The following F10 variants were observed in gnomAD, a reference collection of about 807,000 sequenced individuals.
The protein encoded by F10 is Stuart-Prower factor.
In F10, 29 loss-of-function variants were observed where a neutral mutation model predicts 37.1. The ratio of observed to expected loss-of-function variants is 0.78; its 90% CI spans 0.58 to 1.07. The LOEUF is 1.07. Ranked by LOEUF, F10 falls within the 50% of genes least tolerant of loss-of-function variation. The pLI is 0.00. For synonymous variants in F10, 262 were observed against 268.6 expected, an observed-to-expected ratio of 0.98 and a Z score of 0.24; for missense variants, 539 against 667.9, an observed-to-expected ratio of 0.81 and a Z score of 2.13.
intron 2 of F10, among the ~76,000 whole-genome samples, chr13:113,136,633 CTTTTTTTTTTTTTTTTTT>C (rs1170291536): frequency 1.7e-4 from 1 of 6,020 alleles, no homozygotes; most frequent in South Asian, 0.014. Context: ...AATTCTTGTA[CTTTTTTTTTTTTTTTTTT>C]TTTTTTTTTT....
intron 2 of F10, among the ~76,000 whole-genome samples, chr13:113,137,829 G>C (rs2036493220): frequency 6.6e-6 from 1 of 152,102 alleles, no homozygotes; most frequent in Non-Finnish European, 1.5e-5. Context: ...CCTTTATTTA[G>C]GGCCCACACT....
At chr13:113,147,872 T>C (rs1243732095) in intron 7 of F10, among the ~76,000 whole-genome samples, 1 of 152,172 alleles carries the variant, frequency 6.6e-6, no homozygotes, top group East Asian at 1.9e-4. Context: ...ACCAAGCACC[T>C]CTGTCTCTTC....
chr13:113,143,700 C>CCAGGATG lies in F10; in HGVS notation c.503-151_503-150insCAGGATG. The CCAGGATG allele has an allele frequency of 1.7e-6, 2 of 1,143,904 alleles. No individual in the cohort carries two copies. Among genetic ancestry groups the CCAGGATG allele is most frequent in the Non-Finnish European group, 2.4e-6 (2 of 828,664 alleles). 70.9% of individuals were successfully genotyped at this position (1,143,904 alleles called of 1,614,324 possible). On this transcript the variant is annotated intron_variant, in intron 5 of 7. Coordinates refer to ENST00000375559, the MANE Select transcript of F10 (RefSeq NM_000504.4). The surrounding 1 kb of genome is among the most constrained non-coding windows in gnomAD (Gnocchi z 6.8). ...CTGCAGATCCGACCCCTGCCGACGA[C>CCAGGATG]GTGGGGCCTCGCCCTGCAAGCCCGC...
Position 113,144,155 on chromosome 13 carries a change from C to T in F10, c.747+60C>T. On this transcript the variant is annotated intron_variant, in intron 6 of 7. Transcript: ENST00000375559. This position sits in a 1 kb window ranked among gnomAD's most constrained non-coding sequence, Gnocchi z 6.4. Reference sequence around the variant, plus strand: ...AGACCACCTGTCCCGCTGTGCACCTCGGGGAGGCCAGCCTGACACTTGGAA... The same window carrying T: ...AGACCACCTGTCCCGCTGTGCACCTTGGGGAGGCCAGCCTGACACTTGGAA... 18 of 1,608,894 alleles carry T rather than the reference C, an allele frequency of 1.1e-5. No individual in the cohort carries two copies. The highest frequency in any genetic ancestry group is 3.3e-5 in the South Asian group (3 of 91,008).
chr13:113,129,641 G>T lies in F10; in HGVS notation c.231+29G>T, dbSNP rs747696434. 3 of 1,613,472 alleles carry T rather than the reference G, an allele frequency of 1.9e-6. No individual in the cohort carries two copies. In the East Asian group the frequency reaches 6.7e-5, roughly 36 times the overall value. ...AGGGCTGGGGATAGCCTGGCTGTTG[G>T]TAAGGAGCTCAGGCCACAGCGCCCT... On this transcript the variant is annotated intron_variant, in intron 2 of 7. Transcript: ENST00000375559.
At chr13:113,145,998 A>G (rs575072069) in intron 6 of F10, among the ~76,000 whole-genome samples, 1 of 152,232 alleles carries the variant, frequency 6.6e-6, no homozygotes, top group African/African-American at 2.4e-5. Context: ...CCAAAACCAG[A>G]ATGTCCTCTC....
chr13:113,134,768 T>G (rs1270114812), intron 2 of F10, among the ~76,000 whole-genome samples: 3 of 152,220 alleles, frequency 2.0e-5, no homozygotes, highest in Non-Finnish European at 4.4e-5. Flanking sequence ...AAGCCAAAAA[T>G]TTTTAAATGC....
rs1369171198 is a variant in F10 at position 113,143,864 on chromosome 13, T to G, written c.516T>G (p.Cys172Trp). 1 of 1,612,700 alleles carries G rather than the reference T, an allele frequency of 6.2e-7. No individual in the cohort carries two copies. Among genetic ancestry groups the G allele is most frequent in the South Asian group, 1.1e-5 (1 of 91,070 alleles). Residue 172 changes from cysteine to tryptophan, a missense_variant, in exon 6 of 8, where the codon TGT (cysteine) becomes TGG (tryptophan). Transcript: ENST00000375559. The surrounding 1 kb of genome is among the most constrained non-coding windows in gnomAD (Gnocchi z 6.8). Reference protein sequence around the residue: ...KACIPTGPYPCGKQTLERRKR... With the variant: ...KACIPTGPYPWGKQTLERRKR... ...TCTTTCTTTCAGGGCCCTACCCCTG[T>G]GGGAAACAGACCCTGGAACGCAGGA...
chr13:113,140,986 T>C lies in F10; in HGVS notation c.438T>C (p.Ser146=). 4.3e-6 allele frequency: 7 copies of C among 1,614,114 alleles called. No individual in the cohort carries two copies. The highest frequency in any genetic ancestry group is 2.2e-5 in the East Asian group (1 of 44,876). The change falls in exon 5 of 8, where the codon TCT becomes TCC. Residue 146 remains serine, a synonymous_variant. Transcript: ENST00000375559. Reference sequence around the variant, plus strand: ...AGTTCTGCCACGAGGAACAGAACTCTGTGGTGTGCTCCTGCGCCCGCGGGT... The same window carrying C: ...AGTTCTGCCACGAGGAACAGAACTCCGTGGTGTGCTCCTGCGCCCGCGGGT... ...CDQFCHEEQN[S]VVCSCARGYT...
chr13:113,149,521 C>T lies in F10; in HGVS notation c.*4C>T, dbSNP rs1291967764. On this transcript the variant is annotated 3_prime_UTR_variant, in exon 8 of 8. Coordinates refer to ENST00000375559, the MANE Select transcript of F10 (RefSeq NM_000504.4). This position sits in a 1 kb window ranked among gnomAD's most constrained non-coding sequence, Gnocchi z 7.5. ...AACGTCCTCTCCATTAAAGTGAGAT[C>T]CCACTCAAGGCCTGGTTTGTCTCTC... 6.2e-7 allele frequency: 1 copy of T among 1,613,006 alleles called. No individual in the cohort carries two copies. The highest frequency in any genetic ancestry group is 1.7e-5 in the Admixed American group (1 of 60,036).
chr13:113,147,289 C>T (rs2036590857), intron 6 of F10, 90 bp from the exon 7 acceptor site: 1 of 851,692 alleles, frequency 1.2e-6, no homozygotes. Flanking sequence ...ATGGGGAGGG[C>T]CGGGCAGTGC....
At chr13:113,134,043 C>T (rs2138534145) in intron 2 of F10, among the ~76,000 whole-genome samples, 1 of 152,210 alleles carries the variant, frequency 6.6e-6, no homozygotes, top group Non-Finnish European at 1.5e-5. Context: ...TAATAAAGTT[C>T]ATCTACAAAG....
chr13:113,148,538 G>T (rs1008687619), intron 7 of F10, among the ~76,000 whole-genome samples: 3 of 151,688 alleles, frequency 2.0e-5, no homozygotes, highest in African/African-American at 7.3e-5. Flanking sequence ...TCTATTTTAC[G>T]TTCATGGCAC....
At position 113,122,889 on chromosome 13, in the gene F10, G is replaced by A; in HGVS notation, c.34G>A (p.Ala12Thr). ...CCCACTGCACCTCGTCCTGCTCAGT[G>A]CCTCCCTGGCTGGCCTCCTGCTGCT... ...GRPLHLVLLS[A>T]SLAGLLLLGE... The change falls in exon 1 of 8, where the codon GCC (alanine) becomes ACC (threonine). Residue 12 changes from alanine (A) to threonine (T), a missense_variant. Around this residue, in one of 2 missense-constraint regions of F10, gnomAD observed 130 missense variants for 120.0 expected, o/e 1.08. Coordinates refer to ENST00000375559, the MANE Select transcript of F10 (RefSeq NM_000504.4). 6.2e-7 allele frequency: 1 copy of A among 1,610,872 alleles called. No homozygotes were observed. Among genetic ancestry groups the A allele is most frequent in the African/African-American group, 1.3e-5 (1 of 75,070 alleles).
intron 5 of F10, among the ~76,000 whole-genome samples, chr13:113,142,519 T>C (rs1311569489): frequency 3.1e-5 from 4 of 130,682 alleles, no homozygotes; most frequent in Admixed American, 8.3e-5. Flanking sequence ...ATTGCGCCAC[T>C]GCGCTCCAGC....
rs1035946901 is a variant in F10 at position 113,143,429 on chromosome 13, T to C, written c.503-422T>C. ...AACACACAGCACACTGGAAAGAATT[T>C]TGCAGGGAGTCGCACACGCCCAGCA... On this transcript the variant is annotated intron_variant, in intron 5 of 7. Coordinates refer to ENST00000375559, the MANE Select transcript of F10 (RefSeq NM_000504.4). The surrounding 1 kb of genome is among the most constrained non-coding windows in gnomAD (Gnocchi z 6.8). Among the ~76,000 whole-genome samples the C allele has an allele frequency of 6.6e-6, 1 of 152,190 alleles. No homozygotes were observed. Among genetic ancestry groups the C allele is most frequent in the Non-Finnish European group, 1.5e-5 (1 of 68,034 alleles).
At position 113,148,009 on chromosome 13, in the gene F10, T is replaced by C. The variant is rs188053943; in HGVS notation, c.865+513T>C. ...TATGTAAACTGATATTTTTCTAACATTAAATGTTCTATTATACATTTTAAA... is the reference window on the plus strand; with the variant it reads ...TATGTAAACTGATATTTTTCTAACACTAAATGTTCTATTATACATTTTAAA... On this transcript the variant is annotated intron_variant, in intron 7 of 7. Transcript: ENST00000375559. 2.2e-3 allele frequency among the ~76,000 whole-genome samples: 332 copies of C among 152,318 alleles called. 2 individuals carry two copies. The highest frequency in any genetic ancestry group is 7.6e-3 in the African/African-American group (314 of 41,568).
intron 1 of F10, 42 bp downstream of exon 1, chr13:113,122,967 G>C: frequency 1.9e-6 from 3 of 1,599,998 alleles, no homozygotes; most frequent in Non-Finnish European, 2.5e-6. Context: ...CAGCGCCAGG[G>C]AGCAGGGAGG....
intron 2 of F10, among the ~76,000 whole-genome samples, chr13:113,134,993 C>A (rs954492975): frequency 6.6e-6 from 1 of 152,110 alleles, no homozygotes; most frequent in African/African-American, 2.4e-5. Flanking sequence ...GTAATCCCAG[C>A]ACTTTGGGAG....
Sources: gnomAD v4.1 joint callset for allele counts (sites outside exome capture counted in the v4.1 genomes callset) on GRCh38, gnomAD v4.1.1 for gene constraint, gnomAD v4.1.1 regional missense constraint, Gnocchi (gnomAD v3.1) non-coding constraint, MANE v1.5 for transcripts, NCBI Gene and HGNC (gene_info 2026-07-23, HGNC 2026-07-21) for gene names.